Variants in CSF2RB observed in about 807,000 individuals in gnomAD.
CSF2RB encodes colony stimulating factor 2 receptor subunit beta.
In CSF2RB, 22 loss-of-function variants were observed where a neutral mutation model predicts 67.2. The ratio of observed to expected loss-of-function variants is 0.33; its 90% CI spans 0.23 to 0.47. CSF2RB has a LOEUF of 0.47. Among genes scored for constraint, CSF2RB ranks in the 20% least tolerant of loss-of-function variants. The pLI is 1.00. For synonymous variants in CSF2RB, 507 were observed against 482.9 expected, an observed-to-expected ratio of 1.05 and a Z score of -0.65; for missense variants, 1,113 against 1,174.5, an observed-to-expected ratio of 0.95 and a Z score of 0.76.
At position 36,929,727 on chromosome 22, in the gene CSF2RB, G is replaced by A. The variant is rs757383286; in HGVS notation, c.638G>A (p.Arg213Gln). 12 of 1,614,066 alleles carry A rather than the reference G, an allele frequency of 7.4e-6. No individual in the cohort carries two copies. The highest frequency in any genetic ancestry group is 4.4e-5 in the South Asian group (4 of 91,088). ...MPSSTYVARV[R>Q]TRLAPGSRLS... is the part of the protein sequence containing the mutation. ...AGCAGCACCTACGTGGCCCGAGTAC[G>A]GACCCGCCTGGCCCCAGGTTCTCGG... Residue 213 changes from arginine to glutamine, a missense_variant, in exon 6 of 14, where the codon CGG (arginine) becomes CAG (glutamine). Transcript: ENST00000403662.
chr22:36,923,697 TGAGGTGG>T, intron 3 of CSF2RB: 1 of 1,329,066 alleles, frequency 7.5e-7, no homozygotes, highest in Non-Finnish European at 9.8e-7. Context: ...CTCCTCACTG[TGAGGTGG>T]GCAGGGCCAG....
chr22:36,923,762 A>G (rs1333554606), intron 3 of CSF2RB: 2 of 1,296,256 alleles, frequency 1.5e-6, no homozygotes, highest in South Asian at 1.2e-5. Flanking sequence ...AGAGTAGACC[A>G]AGGAGAGATG....
chr22:36,937,627 G>A lies in CSF2RB; in HGVS notation c.1819G>A (p.Gly607Ser), dbSNP rs1941297370. The A allele has an allele frequency of 5.8e-6, 9 of 1,563,836 alleles. No individual in the cohort carries two copies. Among genetic ancestry groups the A allele is most frequent in the Non-Finnish European group, 7.8e-6 (9 of 1,153,686 alleles). ...PHSRSLPDIL[G>S]QPEPPQEGGS... ...CAGCCGCTCCCTACCTGACATCCTG[G>A]GCCAGCCGGAGCCCCCACAGGAGGG... Residue 607 changes from glycine (G) to serine (S), a missense_variant, in exon 14 of 14, where the codon GGC becomes AGC. Gly to Ser is a moderately conservative substitution (Grantham distance 56). Transcript: ENST00000403662. This position sits in a 1 kb window ranked among gnomAD's most constrained non-coding sequence, Gnocchi z 4.6.
intron 8 of CSF2RB, among the ~76,000 whole-genome samples, chr22:36,931,076 G>T (rs1001292804): frequency 2.6e-5 from 4 of 152,182 alleles, no homozygotes; most frequent in African/African-American, 9.7e-5. Flanking sequence ...CTCCCATCCT[G>T]CAGCTCTCTA....
chr22:36,938,265 G>A lies in CSF2RB; in HGVS notation c.2457G>A (p.Val819=). 6.2e-7 allele frequency: 1 copy of A among 1,614,194 alleles called. No homozygotes were observed. The highest frequency in any genetic ancestry group is 8.5e-7 in the Non-Finnish European group (1 of 1,180,024). The change falls in exon 14 of 14, where the codon GTG becomes GTA. Residue 819 remains valine (V), a synonymous_variant. Transcript: ENST00000403662. Reference sequence around the variant, plus strand: ...AGGGCCTCCTTGTCCTGCAGCAAGTGGGCGACTATTGCTTCCTCCCCGGCC... The same window carrying A: ...AGGGCCTCCTTGTCCTGCAGCAAGTAGGCGACTATTGCTTCCTCCCCGGCC... ...QPEGLLVLQQ[V]GDYCFLPGLG... is the part of the protein sequence containing the mutation.
In CSF2RB at chr22:36,938,244, C is replaced by A. The variant is rs773176695; in HGVS notation, c.2436C>A (p.Gly812=). 2 of 1,614,178 alleles carry A rather than the reference C, an allele frequency of 1.2e-6. No individual in the cohort carries two copies. Among genetic ancestry groups the A allele is most frequent in the Admixed American group, 1.7e-5 (1 of 60,034 alleles). ...CCCCAACATCCCCACAGCCCGAGGG[C>A]CTCCTTGTCCTGCAGCAAGTGGGCG... ...DVSPTSPQPE[G]LLVLQQVGDY... Residue 812 remains glycine (G), a synonymous_variant, in exon 14 of 14, where the codon GGC becomes GGA. Coordinates refer to ENST00000403662, the MANE Select transcript of CSF2RB (RefSeq NM_000395.3).
Position 36,938,181 on chromosome 22 carries a change from C to T in CSF2RB, c.2373C>T (p.Ser791=), listed in dbSNP as rs763958224. 6.2e-7 allele frequency: 1 copy of T among 1,614,154 alleles called. No individual in the cohort carries two copies. The highest frequency in any genetic ancestry group is 8.5e-7 in the Non-Finnish European group (1 of 1,180,006). ...RNNPVPPEAK[S]PVLNPGERPA... ...ATCCTGTCCCCCCTGAGGCCAAAAGCCCTGTCCTGAACCCAGGGGAACGCC... is the reference window on the plus strand; with the variant it reads ...ATCCTGTCCCCCCTGAGGCCAAAAGTCCTGTCCTGAACCCAGGGGAACGCC... Residue 791 remains serine (S), a synonymous_variant, in exon 14 of 14, where the codon AGC becomes AGT. Coordinates refer to ENST00000403662, the MANE Select transcript of CSF2RB (RefSeq NM_000395.3).
In CSF2RB at chr22:36,938,082, T is replaced by G; in HGVS notation, c.2274T>G (p.Pro758=). Residue 758 remains proline, a synonymous_variant, in exon 14 of 14, where the codon CCT becomes CCG. Transcript: ENST00000403662. The part of the protein sequence containing the change: ...LASGPPGAPG[P]VKSGFEGYVE... Reference sequence around the variant, plus strand: ...GTGGACCCCCTGGAGCCCCAGGCCCTGTGAAGTCAGGGTTTGAGGGCTATG... The same window carrying G: ...GTGGACCCCCTGGAGCCCCAGGCCCGGTGAAGTCAGGGTTTGAGGGCTATG... 1 of 1,613,952 alleles carries G rather than the reference T, an allele frequency of 6.2e-7. No homozygotes were observed. The highest frequency in any genetic ancestry group is 1.1e-5 in the South Asian group (1 of 91,068).
At chr22:36,934,756 A>T (rs1941231855) in intron 10 of CSF2RB, among the ~76,000 whole-genome samples, 1 of 152,170 alleles carries the variant, frequency 6.6e-6, no homozygotes, top group Admixed American at 6.5e-5. Context: ...TACAGGAGAT[A>T]TTGGGAGCAA....
chr22:36,915,192 C>T (rs932988461), intron 1 of CSF2RB, among the ~76,000 whole-genome samples: 1 of 152,134 alleles, frequency 6.6e-6, no homozygotes, highest in Non-Finnish European at 1.5e-5. Flanking sequence ...TCAGGTGATT[C>T]TCCTGCCTCA....
At chr22:36,916,131 T>C (rs2899276) in intron 1 of CSF2RB, among the ~76,000 whole-genome samples, 64,994 of 152,130 alleles carry the variant, frequency 0.43, 16,405 homozygotes, top group East Asian at 0.57. Flanking sequence ...GTCATTACTT[T>C]TTACTTTATG....
intron 1 of CSF2RB, among the ~76,000 whole-genome samples, chr22:36,919,999 C>T (rs9607398): frequency 0.44 from 66,712 of 151,994 alleles, 16,608 homozygotes; most frequent in Admixed American, 0.58. Context: ...CAGCCCACTG[C>T]GGGCTCGAAT....
At chr22:36,936,432 G>A (rs1397952338) in intron 12 of CSF2RB, 117 bp from the exon 13 acceptor site, 4 of 807,342 alleles carry the variant, frequency 5.0e-6, no homozygotes, top group African/African-American at 3.4e-5. Flanking sequence ...TGAAGAAGTG[G>A]AGATTCTTCT....
chr22:36,919,999 C>A (rs9607398), intron 1 of CSF2RB, among the ~76,000 whole-genome samples: 1 of 151,960 alleles, frequency 6.6e-6, no homozygotes, highest in African/African-American at 2.4e-5. Context: ...CAGCCCACTG[C>A]GGGCTCGAAT....
In CSF2RB at chr22:36,922,172, G is replaced by A; in HGVS notation, c.-36G>A. ...TCATGCCCATGGCCAGCACCCACCA[G>A]TGCTGGTGCCTGCCTGTCCAGAGCT... On this transcript the variant is annotated 5_prime_UTR_variant, in exon 2 of 14. In the 5' UTR this introduces an upstream ATG that the reference lacks. Transcript: ENST00000403662. 6.5e-7 allele frequency: 1 copy of A among 1,550,122 alleles called. No homozygotes were observed. Among genetic ancestry groups the A allele is most frequent in the East Asian group, 2.4e-5 (1 of 41,794 alleles).
chr22:36,920,481 C>T (rs1241115877), intron 1 of CSF2RB, among the ~76,000 whole-genome samples: 3 of 152,196 alleles, frequency 2.0e-5, no homozygotes, highest in African/African-American at 7.2e-5. Context: ...AGTGAATCTG[C>T]CCGCACCTTG....
At position 36,937,496 on chromosome 22, in the gene CSF2RB, C is replaced by T. The variant is rs1344571926; in HGVS notation, c.1688C>T (p.Thr563Ile). 6.2e-7 allele frequency: 1 copy of T among 1,614,034 alleles called. No homozygotes were observed. Among genetic ancestry groups the T allele is most frequent in the African/African-American group, 1.3e-5 (1 of 75,068 alleles). ...DTTPAASDLP[T>I]EQPPSPQPGP... ...ACTCCAGCTGCCTCAGATCTACCCA[C>T]AGAGCAGCCCCCCAGCCCCCAGCCA... Residue 563 changes from threonine to isoleucine, a missense_variant, in exon 14 of 14, where the codon ACA becomes ATA. Transcript: ENST00000403662. The surrounding 1 kb of genome is among the most constrained non-coding windows in gnomAD (Gnocchi z 4.6).
At position 36,937,168 on chromosome 22, in the gene CSF2RB, C is replaced by T. The variant is rs527822998; in HGVS notation, c.1569-209C>T. On this transcript the variant is annotated intron_variant, in intron 13 of 13. Transcript: ENST00000403662. This position sits in a 1 kb window ranked among gnomAD's most constrained non-coding sequence, Gnocchi z 4.6. The stretch of plus-strand genomic sequence containing the variant: ...TGAGCTCAGCATGGAGGATGGAGCT[C>T]CTGAGCCACGGAAAGACTGAATCCA... Among the ~76,000 whole-genome samples, 11 of 152,220 alleles carry T rather than the reference C, an allele frequency of 7.2e-5. No homozygotes were observed. The South Asian group carries it at 1.7e-3, about 23-fold the overall frequency.
At chr22:36,936,959 C>T (rs1941279890) in intron 13 of CSF2RB, among the ~76,000 whole-genome samples, 1 of 152,124 alleles carries the variant, frequency 6.6e-6, no homozygotes, top group African/African-American at 2.4e-5. Context: ...GGGCTGCAGA[C>T]TCCCGGGAAC....
Sources: allele counts gnomAD v4.1 joint callset (sites outside exome capture counted in the v4.1 genomes callset), GRCh38; gene constraint gnomAD v4.1.1; non-coding constraint Gnocchi (gnomAD v3.1); transcripts MANE v1.5; gene names NCBI Gene and HGNC (gene_info 2026-07-23, HGNC 2026-07-21).